The following IMMP2L variants were observed in gnomAD, a reference collection of about 807,000 sequenced individuals.
The protein encoded by IMMP2L is inner mitochondrial membrane peptidase subunit 2.
A neutral mutation model predicts 19.3 loss-of-function variants in IMMP2L; 18 were observed. The observed-to-expected ratio is 0.93, with a 90% CI of 0.64 to 1.38. The LOEUF is 1.38. Ranked by LOEUF, IMMP2L falls within the 40% of genes most tolerant of loss-of-function variation. The pLI, the probability that IMMP2L is intolerant of heterozygous loss-of-function variation, is 0.00. For synonymous variants in IMMP2L, 76 were observed against 73.0 expected (o/e 1.04, Z -0.21); for missense variants, 233 against 218.2 (o/e 1.07, Z -0.43).
At chr7:110,822,450 G>A (rs1467552918) in intron 5 of IMMP2L, among the ~76,000 whole-genome samples, 1 of 152,026 alleles carries the variant, frequency 6.6e-6, no homozygotes, top group Non-Finnish European at 1.5e-5. Flanking sequence ...ATGCCTCTGT[G>A]AATGAAAATT....
At chr7:111,400,769 G>A (rs1833352580) in intron 3 of IMMP2L, among the ~76,000 whole-genome samples, 1 of 152,008 alleles carries the variant, frequency 6.6e-6, no homozygotes, top group African/African-American at 2.4e-5. Context: ...CTTATCTTTG[G>A]AAATGCGTAT....
intron 5 of IMMP2L, among the ~76,000 whole-genome samples, chr7:110,687,672 T>C (rs965080979): frequency 6.9e-6 from 1 of 145,130 alleles, no homozygotes; most frequent in Admixed American, 7.1e-5. Context: ...AAATTAAAAA[T>C]GTTACACTTT....
intron 3 of IMMP2L, among the ~76,000 whole-genome samples, chr7:111,067,277 T>C (rs1236596277): frequency 6.6e-6 from 1 of 152,182 alleles, no homozygotes; most frequent in Admixed American, 6.5e-5. Flanking sequence ...AGATCAGTGT[T>C]GGGAACTGTT....
At chr7:110,698,943 A>C (rs962831660) in intron 5 of IMMP2L, among the ~76,000 whole-genome samples, 7 of 152,192 alleles carry the variant, frequency 4.6e-5, no homozygotes, top group African/African-American at 1.2e-4. Context: ...TGCTAACGAC[A>C]TGGTAATCGT....
At chr7:111,108,462 T>A (rs558929751) in intron 3 of IMMP2L, among the ~76,000 whole-genome samples, 117 of 152,240 alleles carry the variant, frequency 7.7e-4, no homozygotes, top group African/African-American at 2.6e-3. Context: ...CACTGTGCTA[T>A]TACTAGAGAT....
intron 5 of IMMP2L, among the ~76,000 whole-genome samples, chr7:110,885,654 G>A (rs1810147127): frequency 6.6e-6 from 1 of 151,776 alleles, no homozygotes; most frequent in African/African-American, 2.4e-5. Flanking sequence ...TACTTATAAC[G>A]GGTGACAGAT....
chr7:111,129,558 T>C (rs1454565393), intron 3 of IMMP2L, among the ~76,000 whole-genome samples: 1 of 152,112 alleles, frequency 6.6e-6, no homozygotes, highest in South Asian at 2.1e-4. Flanking sequence ...TTTGCTTCTA[T>C]ATATCATTTT....
chr7:110,796,300 T>C (rs918578963), intron 5 of IMMP2L, among the ~76,000 whole-genome samples: 1 of 151,976 alleles, frequency 6.6e-6, no homozygotes, highest in African/African-American at 2.4e-5. Flanking sequence ...GTGCTCCACC[T>C]GGATGCCAAG....
intron 3 of IMMP2L, among the ~76,000 whole-genome samples, chr7:111,362,582 C>T (rs1829364603): frequency 6.6e-6 from 1 of 152,030 alleles, no homozygotes; most frequent in Admixed American, 6.6e-5. Context: ...TTCAAAATCA[C>T]ATAGCTTATT....
chr7:111,014,302 C>A (rs1304809053), intron 3 of IMMP2L, among the ~76,000 whole-genome samples: 2 of 151,832 alleles, frequency 1.3e-5, no homozygotes, highest in African/African-American at 4.8e-5. Context: ...TTGCAGTGAG[C>A]CGAGATTGCA....
Position 110,961,473 on chromosome 7 carries a change from T to TTC in IMMP2L, c.305+2025_305+2026dup, listed in dbSNP as rs1818935757. On this transcript the variant is annotated intron_variant, in intron 4 of 5. Coordinates refer to ENST00000405709, the MANE Select transcript of IMMP2L (RefSeq NM_032549.4). ...AGTACAGACACAACTATCATTTGTT[T>TTC]TCTCTCTCTCTGAATATTTTCCACC... Among the ~76,000 whole-genome samples the TTC allele has an allele frequency of 2.0e-5, 3 of 151,594 alleles. No homozygotes were observed. The South Asian group carries it at 6.2e-4, about 32-fold the overall frequency.
intron 3 of IMMP2L, among the ~76,000 whole-genome samples, chr7:111,190,159 C>A (rs1213977595): frequency 6.6e-6 from 1 of 152,070 alleles, no homozygotes; most frequent in African/African-American, 2.4e-5. Context: ...AATCACTGAT[C>A]ACTGAGCTAG....
At chr7:111,542,456 A>C (rs1848579661) in intron 1 of IMMP2L, among the ~76,000 whole-genome samples, 2 of 152,134 alleles carry the variant, frequency 1.3e-5, no homozygotes, top group African/African-American at 4.8e-5. Context: ...ACCGATGCTC[A>C]GAGTGCTTAA....
chr7:111,191,007 C>A (rs547734334), intron 3 of IMMP2L, among the ~76,000 whole-genome samples: 1 of 151,884 alleles, frequency 6.6e-6, no homozygotes, highest in African/African-American at 2.4e-5. Flanking sequence ...AGCGGGCAAA[C>A]GGAATAGGAA....
intron 3 of IMMP2L, among the ~76,000 whole-genome samples, chr7:111,048,238 CA>C (rs575701337): frequency 6.7e-3 from 123 of 18,336 alleles, no homozygotes; most frequent in African/African-American, 0.014. Flanking sequence ...GACTCTGTCT[CA>C]AAAAAAAAAA....
intron 3 of IMMP2L, among the ~76,000 whole-genome samples, chr7:111,081,460 T>C (rs1795883913): frequency 6.6e-6 from 1 of 152,196 alleles, no homozygotes; most frequent in Non-Finnish European, 1.5e-5. Context: ...AGCACCTCTT[T>C]GTAACAGTGG....
chr7:111,132,341 C>A (rs1801927221), intron 3 of IMMP2L, among the ~76,000 whole-genome samples: 2 of 151,948 alleles, frequency 1.3e-5, no homozygotes, highest in African/African-American at 4.8e-5. Flanking sequence ...CAGTCCATTA[C>A]AGGAAAATAC....
intron 2 of IMMP2L, among the ~76,000 whole-genome samples, chr7:111,498,929 C>T (rs896646802): frequency 6.6e-6 from 1 of 152,002 alleles, no homozygotes. Flanking sequence ...TCAAAAGGAA[C>T]TGAAAAGCAT....
chr7:110,669,106 TATAG>T (rs1562903470), intron 5 of IMMP2L, among the ~76,000 whole-genome samples: 9 of 143,522 alleles, frequency 6.3e-5, no homozygotes, highest in Admixed American at 2.1e-4. Flanking sequence ...TATATATATA[TATAG>T]AGAGAGAGAG....
Sources: allele counts gnomAD v4.1 joint callset (sites outside exome capture counted in the v4.1 genomes callset), GRCh38; gene constraint gnomAD v4.1.1; transcripts MANE v1.5; gene names NCBI Gene and HGNC (gene_info 2026-07-23, HGNC 2026-07-21).